The following GARRE1 variants were observed in gnomAD, a reference collection of about 807,000 sequenced individuals.
GARRE1 encodes granule associated Rac and RHOG effector protein 1.
Under a neutral mutation model 103.2 loss-of-function variants are expected in GARRE1, and 49 were observed. The ratio of observed to expected loss-of-function variants is 0.47; its 90% CI spans 0.38 to 0.60. The LOEUF is 0.60. GARRE1 is among the 20% of genes least tolerant of loss of function. The pLI is 0.00. For synonymous variants in GARRE1, 505 were observed against 532.8 expected (o/e 0.95, Z 0.72); for missense variants, 1,199 against 1,370.5 (o/e 0.87, Z 1.98).
intron 1 of GARRE1, among the ~76,000 whole-genome samples, chr19:34,284,400 C>T (rs1240325738): frequency 6.6e-6 from 1 of 152,174 alleles, no homozygotes; most frequent in Non-Finnish European, 1.5e-5. Context: ...ACTGGGATTA[C>T]AGGCATGAGC....
intron 8 of GARRE1, among the ~76,000 whole-genome samples, chr19:34,337,354 TGAGAG>T (rs1463556563): frequency 6.6e-6 from 1 of 151,974 alleles, no homozygotes; most frequent in African/African-American, 2.4e-5. Context: ...ATGATGGAAA[TGAGAG>T]GAGAGTGCCA....
intron 1 of GARRE1, among the ~76,000 whole-genome samples, chr19:34,268,051 C>T (rs979376277): frequency 1.8e-4 from 28 of 151,694 alleles, no homozygotes; most frequent in African/African-American, 5.1e-4. Flanking sequence ...GGATTAGAGG[C>T]GTGAACCACT....
chr19:34,320,498 G>A (rs905108873), intron 3 of GARRE1, among the ~76,000 whole-genome samples: 4 of 152,186 alleles, frequency 2.6e-5, no homozygotes, highest in African/African-American at 4.8e-5. Flanking sequence ...CAGGAAAGAC[G>A]GGGTGGAGCT....
chr19:34,314,593 G>A (rs1406153949), intron 2 of GARRE1, among the ~76,000 whole-genome samples: 2 of 152,152 alleles, frequency 1.3e-5, no homozygotes, highest in Non-Finnish European at 2.9e-5. Context: ...CAGCGTGTCT[G>A]GGGGCAGAAT....
At chr19:34,348,406 C>T (rs986000567) in intron 11 of GARRE1, 4 of 183,432 alleles carry the variant, frequency 2.2e-5, no homozygotes, top group Admixed American at 6.2e-5. Flanking sequence ...ATTTATGGAA[C>T]GCTGTCATTA....
chr19:34,269,333 G>A (rs538134028), intron 1 of GARRE1, among the ~76,000 whole-genome samples: 1 of 152,252 alleles, frequency 6.6e-6, no homozygotes, highest in South Asian at 2.1e-4. Context: ...CTGGGTGCCT[G>A]GAGCCTCACA....
At chr19:34,256,123 G>A (rs1249653408) in intron 1 of GARRE1, among the ~76,000 whole-genome samples, 1 of 151,978 alleles carries the variant, frequency 6.6e-6, no homozygotes, top group East Asian at 1.9e-4. Flanking sequence ...ATAGGCGTGA[G>A]CCACCGTGTC....
rs1217087637 is a variant in GARRE1, at chr19:34,300,460, A to G, written c.-14A>G. 3.9e-6 allele frequency: 6 copies of G among 1,533,948 alleles called. No homozygotes were observed. The highest frequency in any genetic ancestry group is 5.3e-6 in the Non-Finnish European group (6 of 1,137,880). ...TGACCCACTTACGGTTGCTGGGACA[A>G]TTCCCCCTCCCGCATGTATTGCTGC... On this transcript the variant is annotated 5_prime_UTR_variant, in exon 2 of 14. Transcript: ENST00000299505.
At chr19:34,347,813 C>G in intron 10 of GARRE1, 64 bp from the exon 11 acceptor site, 1 of 1,402,556 alleles carries the variant, frequency 7.1e-7, no homozygotes, top group African/African-American at 1.5e-5. Context: ...GTTAGCAAAG[C>G]GTAGGGAAGG....
chr19:34,328,245 A>C lies in GARRE1; in HGVS notation c.1104+94A>C, dbSNP rs937399095. The C allele has an allele frequency of 5.6e-6, 8 of 1,424,036 alleles. No individual in the cohort carries two copies. The African/African-American group carries it at 1.1e-4, about 20-fold the overall frequency. The allele number at this position is 1,424,036 out of a possible 1,614,324, so 88.2% of individuals were successfully genotyped here. A position where few individuals can be genotyped will look rare whatever the true frequency, so the allele number is the denominator to read the frequency against. On this transcript the variant is annotated intron_variant, in intron 6 of 13. Transcript: ENST00000299505. Reference sequence around the variant, plus strand: ...GGCTTGCGAAGGATGTAGATTAAAAAAAAAATGGGGCCGGGCGTGGTGGCT... The same window carrying C: ...GGCTTGCGAAGGATGTAGATTAAAACAAAAATGGGGCCGGGCGTGGTGGCT...
At chr19:34,258,796 A>AG (rs2073692923) in intron 1 of GARRE1, among the ~76,000 whole-genome samples, 1 of 151,768 alleles carries the variant, frequency 6.6e-6, no homozygotes, top group Non-Finnish European at 1.5e-5. Context: ...TCTCAAAAAA[A>AG]AAAAGAAAAG....
chr19:34,306,941 C>T (rs1005652736), intron 2 of GARRE1, among the ~76,000 whole-genome samples: 4 of 151,858 alleles, frequency 2.6e-5, no homozygotes, highest in Non-Finnish European at 5.9e-5. Flanking sequence ...GAAAAGGTAC[C>T]ACTGAGAAGG....
intron 10 of GARRE1, among the ~76,000 whole-genome samples, chr19:34,345,888 C>A (rs1001560536): frequency 6.6e-6 from 1 of 152,188 alleles, no homozygotes; most frequent in African/African-American, 2.4e-5. Flanking sequence ...TCCTGGATAC[C>A]TCTTCTGTCT....
At chr19:34,311,670 G>A (rs1031420983) in intron 2 of GARRE1, among the ~76,000 whole-genome samples, 4 of 152,164 alleles carry the variant, frequency 2.6e-5, no homozygotes, top group Admixed American at 6.5e-5. Context: ...GAGTACAGTG[G>A]TGCGATCTCG....
chr19:34,322,106 C>T (rs1412699522), intron 3 of GARRE1, among the ~76,000 whole-genome samples: 1 of 152,132 alleles, frequency 6.6e-6, no homozygotes, highest in Non-Finnish European at 1.5e-5. Flanking sequence ...AGAATTTAAG[C>T]TTAAATAAAA....
At chr19:34,321,364 G>A (rs746777363) in intron 3 of GARRE1, among the ~76,000 whole-genome samples, 36 of 150,462 alleles carry the variant, frequency 2.4e-4, no homozygotes, top group Non-Finnish European at 4.9e-4. Flanking sequence ...ATTTGGACAA[G>A]ATTCTTAATT....
Position 34,268,721 on chromosome 19 carries a change from G to A in GARRE1, c.-796+14107G>A, listed in dbSNP as rs1229685525. 2.0e-5 allele frequency among the ~76,000 whole-genome samples: 3 copies of A among 152,140 alleles called. No individual in the cohort carries two copies. In the South Asian group the frequency reaches 6.2e-4, roughly 32 times the overall value. On this transcript the variant is annotated intron_variant, in intron 1 of 13. Coordinates refer to ENST00000299505, the MANE Select transcript of GARRE1 (RefSeq NM_014686.5). ...CACACCTGTAATCCCAGCACTTTGG[G>A]AGGTCGAGGTGGGAGGGTTGCTTGA...
chr19:34,273,510 G>A (rs1446740524), intron 1 of GARRE1, among the ~76,000 whole-genome samples: 1 of 152,154 alleles, frequency 6.6e-6, no homozygotes, highest in Non-Finnish European at 1.5e-5. Context: ...AATAAGTACT[G>A]AGGACAAACT....
intron 3 of GARRE1, among the ~76,000 whole-genome samples, chr19:34,326,211 G>A (rs112523297): frequency 0.019 from 2,911 of 152,322 alleles, 101 homozygotes; most frequent in African/African-American, 0.066. Context: ...TTTACATACA[G>A]TTTGTGAAAC....
Sources: gnomAD v4.1 joint callset for allele counts (sites outside exome capture counted in the v4.1 genomes callset) on GRCh38, gnomAD v4.1.1 for gene constraint, MANE v1.5 for transcripts, NCBI Gene and HGNC (gene_info 2026-07-23, HGNC 2026-07-21) for gene names.